KMT2A: variants seen among roughly 807,000 people sequenced by gnomAD.
KMT2A encodes histone-lysine N-methyltransferase 2A.
In KMT2A, 16 loss-of-function variants were observed where a neutral mutation model predicts 345.3. The ratio of observed to expected loss-of-function variants is 0.05; its 90% CI spans 0.03 to 0.07. KMT2A has a LOEUF of 0.07. KMT2A is among the 10% of genes least tolerant of loss of function. The pLI is 1.00. For synonymous variants in KMT2A, 1,599 were observed against 1,778.6 expected, an observed-to-expected ratio of 0.90 and a Z score of 2.54; for missense variants, 3,272 against 4,841.6, an observed-to-expected ratio of 0.68 and a Z score of 9.62.
chr11:118,495,174 T>G lies in KMT2A; in HGVS notation c.5363+407T>G, dbSNP rs1950387896. The stretch of plus-strand genomic sequence containing the variant: ...TTTATTTATTTATTTATTTTTTTTT[T>G]TTTGAGACGGAGTCTCGTTCTGTCA... On this transcript the variant is annotated intron_variant, in intron 18 of 35. Transcript: ENST00000534358. The surrounding 1 kb of genome is among the most constrained non-coding windows in gnomAD (Gnocchi z 4.1). 6.6e-6 allele frequency among the ~76,000 whole-genome samples: 1 copy of G among 151,786 alleles called. No homozygotes were observed. Among genetic ancestry groups the G allele is most frequent in the African/African-American group, 2.4e-5 (1 of 41,350 alleles).
intron 1 of KMT2A, among the ~76,000 whole-genome samples, chr11:118,443,810 G>T (rs1555026477): frequency 6.6e-6 from 1 of 152,166 alleles, no homozygotes; most frequent in East Asian, 1.9e-4. Context: ...GTACCAGTGG[G>T]CAGCATCGGT....
intron 3 of KMT2A, among the ~76,000 whole-genome samples, chr11:118,474,782 G>A (rs1303669459): frequency 1.3e-5 from 2 of 152,178 alleles, no homozygotes; most frequent in Non-Finnish European, 2.9e-5. Flanking sequence ...CTCTTCCTCT[G>A]AGTAGTGAGG....
chr11:118,486,908 A>T (rs1353919308), intron 10 of KMT2A, among the ~76,000 whole-genome samples: 1 of 152,134 alleles, frequency 6.6e-6, no homozygotes, highest in African/African-American at 2.4e-5. Context: ...TTAAAAATTT[A>T]AAAAATAAGA....
At chr11:118,451,207 CTTTTTTTT>C (rs1167567348) in intron 1 of KMT2A, among the ~76,000 whole-genome samples, 1 of 121,012 alleles carries the variant, frequency 8.3e-6, no homozygotes, top group African/African-American at 3.0e-5. Flanking sequence ...CTATCTAATT[CTTTTTTTT>C]TTTTTTTTTT....
At chr11:118,519,219 T>C (rs1246490336) in intron 31 of KMT2A, among the ~76,000 whole-genome samples, 6 of 152,102 alleles carry the variant, frequency 3.9e-5, no homozygotes, top group East Asian at 1.9e-4. Flanking sequence ...TGTCAAATCA[T>C]GTAGCCTTGG....
intron 1 of KMT2A, among the ~76,000 whole-genome samples, chr11:118,467,888 A>C (rs1447674811): frequency 2.0e-5 from 3 of 152,188 alleles, no homozygotes; most frequent in African/African-American, 7.2e-5. Flanking sequence ...CTGAAATTCT[A>C]TCATTCTGTG....
chr11:118,477,067 ATAGT>A, intron 4 of KMT2A, 85 bp downstream of exon 4: 2 of 1,310,104 alleles, frequency 1.5e-6, no homozygotes, highest in South Asian at 1.2e-5. Flanking sequence ...TAGGCTCTTC[ATAGT>A]TAGTAGGTCC....
intron 1 of KMT2A, among the ~76,000 whole-genome samples, chr11:118,460,719 T>C (rs1183374658): frequency 2.0e-5 from 3 of 152,200 alleles, no homozygotes; most frequent in African/African-American, 7.2e-5. Flanking sequence ...GTGCAGTGGA[T>C]TCACAGGTGC....
intron 1 of KMT2A, chr11:118,450,830 C>T (rs1024496016): frequency 6.6e-6 from 1 of 152,210 alleles, no homozygotes; most frequent in Non-Finnish European, 1.5e-5. Context: ...TAACAGCATA[C>T]ATTTCTTGAC....
Position 118,471,898 on chromosome 11 carries a change from G to C in KMT2A, c.739G>C (p.Gly247Arg). The C allele has an allele frequency of 6.2e-7, 1 of 1,613,464 alleles. No individual in the cohort carries two copies. The highest frequency in any genetic ancestry group is 8.5e-7 in the Non-Finnish European group (1 of 1,179,882). Residue 247 changes from glycine (G) to arginine (R), a missense_variant, in exon 3 of 36, where the codon GGA becomes CGA. This residue lies in a region of KMT2A where 412 missense variants were observed against 511.0 expected (regional missense o/e 0.81). Coordinates refer to ENST00000534358, the MANE Select transcript of KMT2A (RefSeq NM_001197104.2). ...AAAGGACATTTCAGAGTTACCAAAGGGAAACAAAGAAGATAGCCTGAAAAA... is the reference window on the plus strand; with the variant it reads ...AAAGGACATTTCAGAGTTACCAAAGCGAAACAAAGAAGATAGCCTGAAAAA... Reference protein sequence around the residue: ...HGKDISELPKGNKEDSLKKIK... With the variant: ...HGKDISELPKRNKEDSLKKIK...
chr11:118,469,504 C>T (rs1428500109), intron 2 of KMT2A, among the ~76,000 whole-genome samples: 3 of 152,162 alleles, frequency 2.0e-5, no homozygotes, highest in Non-Finnish European at 2.9e-5. Flanking sequence ...TCATTATTCT[C>T]ACCAACAAAA....
In KMT2A at chr11:118,497,851, T is replaced by C; in HGVS notation, c.5665-85T>C. The C allele has an allele frequency of 1.9e-6, 2 of 1,043,738 alleles. No homozygotes were observed. Among genetic ancestry groups the C allele is most frequent in the Non-Finnish European group, 2.9e-6 (2 of 693,684 alleles). 64.7% of individuals were successfully genotyped at this position (1,043,738 alleles called of 1,614,324 possible). A position where few individuals can be genotyped will look rare whatever the true frequency, so the allele number is the denominator to read the frequency against. Reference sequence around the variant, plus strand: ...AGAATTATAGTTGCTTTCTTGAGGTTATCTTCACTGGAAAAGCTAATGCCG... The same window carrying C: ...AGAATTATAGTTGCTTTCTTGAGGTCATCTTCACTGGAAAAGCTAATGCCG... On this transcript the variant is annotated intron_variant, in intron 20 of 35. Coordinates refer to ENST00000534358, the MANE Select transcript of KMT2A (RefSeq NM_001197104.2). The surrounding 1 kb of genome is among the most constrained non-coding windows in gnomAD (Gnocchi z 4.8).
intron 1 of KMT2A, among the ~76,000 whole-genome samples, chr11:118,442,324 T>C (rs535885436): frequency 2.2e-4 from 33 of 152,350 alleles, no homozygotes; most frequent in African/African-American, 6.7e-4. Flanking sequence ...CATATGTTAT[T>C]TTCAGGGATT....
rs896814721 is a variant in KMT2A at position 118,491,109 on chromosome 11, A to C, written c.4697-87A>C. 30 of 1,350,086 alleles carry C rather than the reference A, an allele frequency of 2.2e-5. No individual in the cohort carries two copies. The Admixed American group carries it at 5.7e-4, about 26-fold the overall frequency. 83.6% of individuals were successfully genotyped at this position (1,350,086 alleles called of 1,614,324 possible). ...CATGATCCCAGAAGAATATAGATTTAGATTGGGTTGGTAAATGCAAGTCGA... is the reference window on the plus strand; with the variant it reads ...CATGATCCCAGAAGAATATAGATTTCGATTGGGTTGGTAAATGCAAGTCGA... On this transcript the variant is annotated intron_variant, in intron 13 of 35. Coordinates refer to ENST00000534358, the MANE Select transcript of KMT2A (RefSeq NM_001197104.2). The surrounding 1 kb of genome is among the most constrained non-coding windows in gnomAD (Gnocchi z 4.2).
In KMT2A at chr11:118,494,527, C is replaced by A; in HGVS notation, c.5289+129C>A. The A allele has an allele frequency of 1.2e-6, 1 of 812,858 alleles. No individual in the cohort carries two copies. The highest frequency in any genetic ancestry group is 2.0e-6 in the Non-Finnish European group (1 of 502,760). 50.4% of individuals were successfully genotyped at this position (812,858 alleles called of 1,614,324 possible). On this transcript the variant is annotated intron_variant, in intron 17 of 35. Coordinates refer to ENST00000534358, the MANE Select transcript of KMT2A (RefSeq NM_001197104.2). The surrounding 1 kb of genome is among the most constrained non-coding windows in gnomAD (Gnocchi z 5.8). The stretch of plus-strand genomic sequence containing the variant: ...TAAAACATCTTTGGTTTAATTTGAT[C>A]CCCTGATTCTTTGAGAGGAACTTGG...
Position 118,491,966 on chromosome 11 carries a change from T to C in KMT2A, c.5004+38T>C. 1.4e-6 allele frequency: 2 copies of C among 1,467,282 alleles called. No individual in the cohort carries two copies. Among genetic ancestry groups the C allele is most frequent in the Non-Finnish European group, 1.9e-6 (2 of 1,059,910 alleles). The allele number at this position is 1,467,282 out of a possible 1,614,324, so 90.9% of individuals were successfully genotyped here. On this transcript the variant is annotated intron_variant, in intron 15 of 35. Coordinates refer to ENST00000534358, the MANE Select transcript of KMT2A (RefSeq NM_001197104.2). This position sits in a 1 kb window ranked among gnomAD's most constrained non-coding sequence, Gnocchi z 4.2. ...TCATTTTTTTCTGAGAGCTTGTTCT[T>C]AGGTAGTCTTTACCTAGTGTTTTTC... is the stretch of plus-strand genomic sequence containing the variant.
Position 118,505,206 on chromosome 11 carries a change from T to C in KMT2A, c.9314T>C (p.Ile3105Thr). The C allele has an allele frequency of 6.2e-7, 1 of 1,614,074 alleles. No homozygotes were observed. Among genetic ancestry groups the C allele is most frequent in the Non-Finnish European group, 8.5e-7 (1 of 1,180,014 alleles). The stretch of plus-strand genomic sequence containing the variant: ...CTTCCAAATGGAGTGACCCAAAAAA[T>C]CCAATTGACCTCTTCTGTTAGTTCT... ...QTLPNGVTQKIQLTSSVSSTP... is the reference protein window; with the variant it reads ...QTLPNGVTQKTQLTSSVSSTP... Residue 3105 changes from isoleucine to threonine, a missense_variant, in exon 27 of 36, where the codon ATC (isoleucine) becomes ACC (threonine). Around this residue, in one of 27 missense-constraint regions of KMT2A, gnomAD observed 748 missense variants for 922.2 expected, o/e 0.81. Transcript: ENST00000534358. This position sits in a 1 kb window ranked among gnomAD's most constrained non-coding sequence, Gnocchi z 4.6.
chr11:118,489,323 T>C (rs187579316), intron 11 of KMT2A, among the ~76,000 whole-genome samples: 34 of 151,944 alleles, frequency 2.2e-4, no homozygotes, highest in African/African-American at 8.2e-4. Context: ...TGGGCATCCA[T>C]GGACTTTGGT....
chr11:118,441,506 G>T (rs1037592734), intron 1 of KMT2A, among the ~76,000 whole-genome samples: 5 of 152,036 alleles, frequency 3.3e-5, no homozygotes. Flanking sequence ...TTGGCTAAAT[G>T]TGTTGTCATT....
Sources: gnomAD v4.1 joint callset for allele counts (sites outside exome capture counted in the v4.1 genomes callset) on GRCh38, gnomAD v4.1.1 for gene constraint, gnomAD v4.1.1 regional missense constraint, Gnocchi (gnomAD v3.1) non-coding constraint, MANE v1.5 for transcripts, NCBI Gene and HGNC (gene_info 2026-07-23, HGNC 2026-07-21) for gene names.